The following NCOA2 variants were observed in gnomAD, a reference collection of about 807,000 sequenced individuals.
The protein encoded by NCOA2 is class E basic helix-loop-helix protein 75.
NCOA2 carries 21 observed loss-of-function variants against 145.1 expected under a neutral mutation model. The observed-to-expected ratio is 0.14, with a 90% CI of 0.10 to 0.21. The LOEUF (loss-of-function observed/expected upper bound fraction) is 0.21. NCOA2 is among the 10% of genes least tolerant of loss of function. NCOA2 has a pLI of 1.00. For synonymous variants in NCOA2, 619 were observed against 637.5 expected, an observed-to-expected ratio of 0.97 and a Z score of 0.44; for missense variants, 1,472 against 1,837.6, an observed-to-expected ratio of 0.80 and a Z score of 3.64.
At chr8:70,348,580 C>T (rs1586563535) in intron 1 of NCOA2, among the ~76,000 whole-genome samples, 1 of 152,124 alleles carries the variant, frequency 6.6e-6, no homozygotes, top group East Asian at 1.9e-4. Flanking sequence ...AAGGTGGTGG[C>T]TGAAGGGATG....
intron 1 of NCOA2, among the ~76,000 whole-genome samples, chr8:70,390,833 T>TTAC (rs1182430255): frequency 2.0e-5 from 3 of 152,092 alleles, no homozygotes; most frequent in African/African-American, 7.2e-5. Context: ...ATGAAGAATA[T>TTAC]TACTACTACT....
chr8:70,244,491 A>G (rs1445364690), intron 2 of NCOA2, among the ~76,000 whole-genome samples: 1 of 152,114 alleles, frequency 6.6e-6, no homozygotes, highest in African/African-American at 2.4e-5. Context: ...GGTACTATAT[A>G]TAACAACAAC....
intron 1 of NCOA2, among the ~76,000 whole-genome samples, chr8:70,380,845 T>C (rs1448155951): frequency 6.6e-6 from 1 of 152,068 alleles, no homozygotes; most frequent in African/African-American, 2.4e-5. Context: ...GAGGCCAAGT[T>C]AGGCAGATGA....
At chr8:70,181,692 T>C (rs1815497674) in intron 4 of NCOA2, among the ~76,000 whole-genome samples, 1 of 152,224 alleles carries the variant, frequency 6.6e-6, no homozygotes, top group African/African-American at 2.4e-5. Context: ...GTGAGTAAAA[T>C]CACTCACCTA....
intron 4 of NCOA2, among the ~76,000 whole-genome samples, chr8:70,179,187 T>C (rs1815202333): frequency 6.6e-6 from 1 of 152,254 alleles, no homozygotes; most frequent in Non-Finnish European, 1.5e-5. Flanking sequence ...CTAGCTAATT[T>C]GTCATCTATT....
chr8:70,123,916 T>C lies in NCOA2; in HGVS notation c.4261A>G (p.Thr1421Ala). Reference protein sequence around the residue: ...ISMTSVTSVPTSGLSSMGPEQ... With the variant: ...ISMTSVTSVPASGLSSMGPEQ... ...GGACCCATGGAGGACAGCCCTGACG[T>C]AGGCACGGAGGTCACTGAGGTCATG... Residue 1421 changes from threonine to alanine, a missense_variant, in exon 21 of 23, where the codon ACG becomes GCG. This residue lies in a region of NCOA2 where 232 missense variants were observed against 290.6 expected (regional missense o/e 0.80). Transcript: ENST00000452400. 1 of 1,613,646 alleles carries C rather than the reference T, an allele frequency of 6.2e-7. No individual in the cohort carries two copies.
chr8:70,251,027 G>A (rs1365625268), intron 2 of NCOA2, among the ~76,000 whole-genome samples: 1 of 152,158 alleles, frequency 6.6e-6, no homozygotes, highest in African/African-American at 2.4e-5. Context: ...ATTAGGCATA[G>A]ATCTGCATAG....
chr8:70,123,856 A>T (rs759060573), intron 21 of NCOA2, 28 bp downstream of exon 21: 13 of 1,570,580 alleles, frequency 8.3e-6, no homozygotes, highest in Non-Finnish European at 1.1e-5. Flanking sequence ...ATATGAAGCC[A>T]CTGGGTTGCT....
the NCOA2 span, among the ~76,000 whole-genome samples, chr8:70,448,054 G>C: frequency 6.6e-6 from 1 of 151,706 alleles, no homozygotes; most frequent in Non-Finnish European, 1.5e-5. Flanking sequence ...CAAATTTCTT[G>C]ACAAAGGGAA....
intron 13 of NCOA2, among the ~76,000 whole-genome samples, chr8:70,142,765 A>T (rs1412500056): frequency 6.6e-6 from 1 of 152,208 alleles, no homozygotes; most frequent in Non-Finnish European, 1.5e-5. Flanking sequence ...ACCATTTTAG[A>T]ATTAGATTTG....
chr8:70,157,661 T>C (rs1812438487), intron 10 of NCOA2, among the ~76,000 whole-genome samples: 1 of 152,184 alleles, frequency 6.6e-6, no homozygotes, highest in Admixed American at 6.5e-5. Context: ...TAGACACATC[T>C]GTAAGCCCAG....
At chr8:70,417,931 AAGTGGCC>A in the NCOA2 span, among the ~76,000 whole-genome samples, 15,912 of 152,162 alleles carry the variant, frequency 0.1, 1,257 homozygotes, top group East Asian at 0.4. Flanking sequence ...GAGAGAGCCA[AAGTGGCC>A]AGGTCGCAAT....
chr8:70,258,404 C>T (rs1467604607), intron 2 of NCOA2, among the ~76,000 whole-genome samples: 1 of 152,190 alleles, frequency 6.6e-6, no homozygotes, highest in East Asian at 1.9e-4. Flanking sequence ...AAACGTATCT[C>T]CCTAAATGTA....
At position 70,300,554 on chromosome 8, in the gene NCOA2, A is replaced by G. The variant is rs181210543; in HGVS notation, c.-76-3754T>C. On this transcript the variant is annotated intron_variant, in intron 1 of 22. Coordinates refer to ENST00000452400, the MANE Select transcript of NCOA2 (RefSeq NM_006540.4). ...GCAAAAAGCAGTCAGGACTGAATCT[A>G]CACCACACATAAATAAGACAGCTGG... 2.0e-4 allele frequency among the ~76,000 whole-genome samples: 31 copies of G among 152,350 alleles called. No individual in the cohort carries two copies. The East Asian group carries it at 5.0e-3, about 25-fold the overall frequency.
chr8:70,118,372 T>C (rs1449512121), intron 22 of NCOA2, among the ~76,000 whole-genome samples: 1 of 152,176 alleles, frequency 6.6e-6, no homozygotes, highest in Non-Finnish European at 1.5e-5. Flanking sequence ...GACTGAGTTG[T>C]GTGGCCACTC....
chr8:70,438,071 T>G, the NCOA2 span, among the ~76,000 whole-genome samples: 1 of 152,218 alleles, frequency 6.6e-6, no homozygotes, highest in Non-Finnish European at 1.5e-5. Context: ...TTCATCCGAT[T>G]GTTTCAGAGT....
At chr8:70,395,396 C>T (rs1813560400) in intron 1 of NCOA2, among the ~76,000 whole-genome samples, 1 of 152,170 alleles carries the variant, frequency 6.6e-6, no homozygotes, top group East Asian at 1.9e-4. Flanking sequence ...CCTCAAGCAC[C>T]GGCAAGCCCC....
intron 18 of NCOA2, among the ~76,000 whole-genome samples, chr8:70,127,405 A>T (rs1269151778): frequency 6.6e-6 from 1 of 152,240 alleles, no homozygotes; most frequent in Non-Finnish European, 1.5e-5. Flanking sequence ...TTAGAGTCTC[A>T]TTCAAGTGAC....
chr8:70,138,763 AT>A (rs1810037773), intron 14 of NCOA2, among the ~76,000 whole-genome samples: 1 of 152,270 alleles, frequency 6.6e-6, no homozygotes, highest in African/African-American at 2.4e-5. Context: ...AAATTAAAAA[AT>A]TCTTTTATTG....
Sources: allele counts gnomAD v4.1 joint callset (sites outside exome capture counted in the v4.1 genomes callset), GRCh38; gene constraint gnomAD v4.1.1; regional missense constraint gnomAD v4.1.1; transcripts MANE v1.5; gene names NCBI Gene and HGNC (gene_info 2026-07-23, HGNC 2026-07-21).